MAPKAPK3: variants seen among roughly 807,000 people sequenced by gnomAD.
MAPKAPK3 encodes MAPK activated protein kinase 3.
In MAPKAPK3, 35 loss-of-function variants were observed where a neutral mutation model predicts 49.2. The observed-to-expected ratio is 0.71, with a 90% CI of 0.54 to 0.94. The LOEUF (loss-of-function observed/expected upper bound fraction) is 0.94, where lower values mean the gene tolerates loss of function less well. Among genes scored for constraint, MAPKAPK3 ranks in the 40% least tolerant of loss-of-function variants. MAPKAPK3 has a pLI of 0.00. For synonymous variants in MAPKAPK3, 178 were observed against 188.7 expected, an observed-to-expected ratio of 0.94 and a Z score of 0.46; for missense variants, 398 against 493.1, an observed-to-expected ratio of 0.81 and a Z score of 1.83.
chr3:50,636,395 G>A (rs913622096), intron 2 of MAPKAPK3, among the ~76,000 whole-genome samples: 4 of 152,234 alleles, frequency 2.6e-5, no homozygotes, highest in East Asian at 1.9e-4. Context: ...CACATTGAAA[G>A]TACAATATCT....
At position 50,646,272 on chromosome 3, in the gene MAPKAPK3, A is replaced by G; in HGVS notation, c.829+8A>G. On this transcript the variant is annotated splice_region_variant and intron_variant, in intron 8 of 10. Coordinates refer to ENST00000621469, the MANE Select transcript of MAPKAPK3 (RefSeq NM_001243925.2). The stretch of plus-strand genomic sequence containing the variant: ...CAGAAGTCTCTGAGGATGGTGAGTG[A>G]ACCTCTCTGTCCCAGCCTGACTCAC... 1 of 1,613,952 alleles carries G rather than the reference A, an allele frequency of 6.2e-7. No individual in the cohort carries two copies. The highest frequency in any genetic ancestry group is 2.2e-5 in the East Asian group (1 of 44,876).
intron 2 of MAPKAPK3, among the ~76,000 whole-genome samples, chr3:50,620,099 T>A (rs531723630): frequency 6.6e-5 from 10 of 152,270 alleles, no homozygotes; most frequent in African/African-American, 2.2e-4. Flanking sequence ...ATTTACTATC[T>A]CCCAATATTG....
chr3:50,639,625 C>G (rs923296655), intron 2 of MAPKAPK3, among the ~76,000 whole-genome samples: 1 of 152,090 alleles, frequency 6.6e-6, no homozygotes, highest in Non-Finnish European at 1.5e-5. Context: ...TTACTTTTAC[C>G]CCTACAGGAG....
rs1172916445 is a variant in MAPKAPK3, at chr3:50,617,730, C to T, written c.165C>T (p.Asn55=). ...LSKQVLGLGV[N]GKVLECFHRR... ...AGCAGGTGCTGGGCCTGGGTGTGAA[C>T]GGCAAAGTGCTGGAGTGCTTCCATC... Residue 55 remains asparagine, a synonymous_variant, in exon 2 of 11, where the codon AAC becomes AAT. Transcript: ENST00000621469. 1.2e-6 allele frequency: 2 copies of T among 1,613,628 alleles called. No homozygotes were observed. Among genetic ancestry groups the T allele is most frequent in the Non-Finnish European group, 1.7e-6 (2 of 1,180,004 alleles).
intron 1 of MAPKAPK3, 109 bp from the exon 2 acceptor site, chr3:50,617,405 C>T (rs1389895943): frequency 3.4e-6 from 2 of 583,416 alleles, no homozygotes; most frequent in South Asian, 2.2e-5. Flanking sequence ...GCCGTTCGTC[C>T]CGCACTCCCA....
At chr3:50,611,724 G>A (rs2032333158), upstream of MAPKAPK3, 3 of 1,422,662 alleles carry the variant, frequency 2.1e-6, no homozygotes, top group Admixed American at 3.4e-5. Context: ...CAGTGGGCGC[G>A]GAGCGCGTGC....
chr3:50,647,333 T>C lies in MAPKAPK3; in HGVS notation c.996+130T>C, dbSNP rs1330517506. ...ACCTGGAGCACAGGGTGTCAGTGACTGTCGCAGTGGTCCAACCATGGCACT... is the reference window on the plus strand; with the variant it reads ...ACCTGGAGCACAGGGTGTCAGTGACCGTCGCAGTGGTCCAACCATGGCACT... On this transcript the variant is annotated intron_variant, in intron 10 of 10. Coordinates refer to ENST00000621469, the MANE Select transcript of MAPKAPK3 (RefSeq NM_001243925.2). 3 of 712,718 alleles carry C rather than the reference T, an allele frequency of 4.2e-6. No homozygotes were observed. In the East Asian group the frequency reaches 8.1e-5, roughly 19 times the overall value. 44.1% of individuals were successfully genotyped at this position (712,718 alleles called of 1,614,324 possible).
At chr3:50,613,941 C>A (rs1489495651), upstream of MAPKAPK3, 1 of 152,230 alleles carries the variant, frequency 6.6e-6, no homozygotes, top group Non-Finnish European at 1.5e-5. Flanking sequence ...GCTTTAAGGT[C>A]CTCAGTGAAG....
upstream of MAPKAPK3, chr3:50,611,752 C>T (rs949689078): frequency 5.4e-5 from 75 of 1,376,302 alleles, 1 homozygote; most frequent in African/African-American, 9.5e-4. Context: ...GCTCCCGGGG[C>T]GCGCGGGCGC....
chr3:50,639,165 T>C (rs443436), intron 2 of MAPKAPK3, among the ~76,000 whole-genome samples: 118,156 of 152,136 alleles, frequency 0.78, 47,089 homozygotes, highest in Middle Eastern at 0.9. Context: ...TTGGCTGGGA[T>C]GCACCCTGTG....
intron 2 of MAPKAPK3, among the ~76,000 whole-genome samples, chr3:50,637,693 A>AGAGAG (rs2033074942): frequency 6.9e-6 from 1 of 144,918 alleles, no homozygotes; most frequent in African/African-American, 2.6e-5. Context: ...CAGAGAGAGA[A>AGAGAG]AGAGAGAGAG....
chr3:50,611,948 T>C, exon 1 of MAPKAPK3: 1 of 425,394 alleles, frequency 2.4e-6, no homozygotes, highest in Non-Finnish European at 4.1e-6. Flanking sequence ...GCGGGCCCCG[T>C]CGCCGGGTCT....
At chr3:50,622,981 C>G (rs1332852188) in intron 2 of MAPKAPK3, among the ~76,000 whole-genome samples, 1 of 152,198 alleles carries the variant, frequency 6.6e-6, no homozygotes, top group African/African-American at 2.4e-5. Flanking sequence ...GCCCACTGCT[C>G]CAAGGGTGAG....
chr3:50,620,529 C>T (rs1186851676), intron 2 of MAPKAPK3, among the ~76,000 whole-genome samples: 1 of 152,168 alleles, frequency 6.6e-6, no homozygotes, highest in African/African-American at 2.4e-5. Context: ...AACAGGAAGC[C>T]TGAAACTCAG....
chr3:50,642,004 G>A (rs1226444161), intron 4 of MAPKAPK3, among the ~76,000 whole-genome samples: 6 of 152,190 alleles, frequency 3.9e-5, no homozygotes, highest in Non-Finnish European at 8.8e-5. Flanking sequence ...ATGCTGTCTC[G>A]CAGTTGAGCT....
chr3:50,642,188 G>A, intron 4 of MAPKAPK3, 65 bp from the exon 5 acceptor site: 1 of 1,035,898 alleles, frequency 9.7e-7, no homozygotes, highest in South Asian at 1.3e-5. Flanking sequence ...GTCCAGGAGG[G>A]ATGATAGGGT....
intron 2 of MAPKAPK3, among the ~76,000 whole-genome samples, chr3:50,631,501 C>T (rs1401408819): frequency 6.6e-6 from 1 of 152,214 alleles, no homozygotes; most frequent in Non-Finnish European, 1.5e-5. Context: ...CAAAGCAGCT[C>T]ACAAGGGTCA....
At chr3:50,620,247 C>T (rs565377544) in intron 2 of MAPKAPK3, among the ~76,000 whole-genome samples, 3 of 152,220 alleles carry the variant, frequency 2.0e-5, no homozygotes, top group Non-Finnish European at 4.4e-5. Flanking sequence ...GACCTCAGTA[C>T]ATGGGCAGGC....
In MAPKAPK3 at chr3:50,617,610, G is replaced by T. The variant is rs2032502419; in HGVS notation, c.45G>T (p.Pro15=). ...TAEEQGGPVP[P]PVAPGGPGLG... is the part of the protein sequence containing the mutation. ...AGGAGCAGGGGGGCCCTGTGCCCCC[G>T]CCAGTTGCACCCGGCGGACCCGGCT... is the stretch of plus-strand genomic sequence containing the variant. The change falls in exon 2 of 11, where the codon CCG becomes CCT. Residue 15 remains proline (P), a synonymous_variant. Transcript: ENST00000621469. 6.2e-7 allele frequency: 1 copy of T among 1,603,518 alleles called. No individual in the cohort carries two copies. Among genetic ancestry groups the T allele is most frequent in the Admixed American group, 1.7e-5 (1 of 59,914 alleles).
Sources: allele counts gnomAD v4.1 joint callset (sites outside exome capture counted in the v4.1 genomes callset), GRCh38; gene constraint gnomAD v4.1.1; transcripts MANE v1.5; gene names NCBI Gene and HGNC (gene_info 2026-07-23, HGNC 2026-07-21).